The following APBB1IP variants were observed in gnomAD, a reference collection of about 807,000 sequenced individuals.
APBB1IP encodes the protein amyloid beta A4 precursor protein-binding family B member 1-interacting protein.
In APBB1IP, 27 loss-of-function variants were observed where a neutral mutation model predicts 64.9. That is an observed-to-expected ratio of 0.42 (90% CI 0.31 to 0.57). The LOEUF is 0.57. APBB1IP is among the 20% of genes least tolerant of loss of function. APBB1IP has a pLI of 0.20. For synonymous variants in APBB1IP, 392 were observed against 331.0 expected (o/e 1.18, Z -2.00); for missense variants, 812 against 845.5 (o/e 0.96, Z 0.49).
At chr10:26,510,290 T>C (rs965922641) in intron 6 of APBB1IP, among the ~76,000 whole-genome samples, 10 of 152,180 alleles carry the variant, frequency 6.6e-5, no homozygotes, top group African/African-American at 2.4e-4. Flanking sequence ...TTAATAACTT[T>C]GACAAGTTGC....
chr10:26,493,000 A>G (rs529588242), intron 3 of APBB1IP, among the ~76,000 whole-genome samples: 2 of 152,294 alleles, frequency 1.3e-5, no homozygotes, highest in South Asian at 4.1e-4. Context: ...CATAAGGCAG[A>G]CACCCCCAGA....
chr10:26,499,027 G>T (rs1588588332), intron 4 of APBB1IP, among the ~76,000 whole-genome samples: 1 of 152,266 alleles, frequency 6.6e-6, no homozygotes, highest in East Asian at 1.9e-4. Flanking sequence ...ACTTTGGGAG[G>T]CCAAGGCAGG....
chr10:26,443,457 A>T (rs1418666046), intron 2 of APBB1IP, among the ~76,000 whole-genome samples: 1 of 152,004 alleles, frequency 6.6e-6, no homozygotes, highest in East Asian at 1.9e-4. Context: ...CAAAAAAAAA[A>T]AATTACTTAT....
At chr10:26,528,613 C>G (rs1392685037) in intron 8 of APBB1IP, among the ~76,000 whole-genome samples, 1 of 152,108 alleles carries the variant, frequency 6.6e-6, no homozygotes, top group East Asian at 1.9e-4. Context: ...CTGTATTTAT[C>G]TTCTCCATGT....
intron 2 of APBB1IP, 96 bp downstream of exon 2, chr10:26,438,949 G>C (rs946319237): frequency 1.3e-5 from 2 of 152,196 alleles, no homozygotes; most frequent in African/African-American, 4.8e-5. Context: ...CGGGTCCGAC[G>C]CCGGGGGCAG....
intron 11 of APBB1IP, among the ~76,000 whole-genome samples, chr10:26,551,332 G>C (rs1214737368): frequency 6.6e-6 from 1 of 152,152 alleles, no homozygotes; most frequent in Non-Finnish European, 1.5e-5. Flanking sequence ...TGTGAGTCCG[G>C]GGGGACTTTC....
At chr10:26,564,370 G>A (rs910508711) in intron 14 of APBB1IP, among the ~76,000 whole-genome samples, 18 of 152,172 alleles carry the variant, frequency 1.2e-4, no homozygotes, top group Non-Finnish European at 2.6e-4. Flanking sequence ...TCTACCAATA[G>A]CACATGCTGG....
At chr10:26,514,024 G>A (rs1554777033) in intron 8 of APBB1IP, among the ~76,000 whole-genome samples, 1 of 152,146 alleles carries the variant, frequency 6.6e-6, no homozygotes, top group Non-Finnish European at 1.5e-5. Context: ...GTGAGCCACT[G>A]CGCCCAGCCA....
chr10:26,487,594 G>A (rs965428513), intron 2 of APBB1IP, among the ~76,000 whole-genome samples: 3 of 152,098 alleles, frequency 2.0e-5, no homozygotes, highest in African/African-American at 7.2e-5. Context: ...CAGGGGAAAG[G>A]GCAGGGGGAA....
intron 2 of APBB1IP, among the ~76,000 whole-genome samples, chr10:26,451,454 G>A (rs1033322200): frequency 6.6e-6 from 1 of 152,172 alleles, no homozygotes; most frequent in Non-Finnish European, 1.5e-5. Context: ...GTCCTCAGGA[G>A]GAACTCTGTG....
chr10:26,515,405 T>C (rs1238142500), intron 8 of APBB1IP, among the ~76,000 whole-genome samples: 2 of 152,158 alleles, frequency 1.3e-5, no homozygotes, highest in African/African-American at 2.4e-5. Context: ...TTCCAGTCCA[T>C]ATGAAGTGAG....
At chr10:26,516,828 G>A (rs1294383016) in intron 8 of APBB1IP, among the ~76,000 whole-genome samples, 1 of 152,154 alleles carries the variant, frequency 6.6e-6, no homozygotes, top group Non-Finnish European at 1.5e-5. Context: ...TTTTGGCAGC[G>A]TGAACTGGGG....
At chr10:26,549,062 T>G (rs1264336609) in intron 11 of APBB1IP, among the ~76,000 whole-genome samples, 1 of 152,262 alleles carries the variant, frequency 6.6e-6, no homozygotes, top group Non-Finnish European at 1.5e-5. Context: ...CAAATGCTTT[T>G]TCTGCATCTG....
chr10:26,468,992 C>T (rs1033997301), intron 2 of APBB1IP, among the ~76,000 whole-genome samples: 1 of 152,114 alleles, frequency 6.6e-6, no homozygotes, highest in Non-Finnish European at 1.5e-5. Flanking sequence ...GCAACTGCTG[C>T]GGGCTGAGAT....
At position 26,516,543 on chromosome 10, in the gene APBB1IP, CAAAAA is replaced by C. The variant is rs71401901; in HGVS notation, c.813+2897_813+2901del. Reference sequence around the variant, plus strand: ...TGGGTGACAGAGCAAGACTCCATCTCAAAAAAAAAAAAAAAAAAGTAAAGCGGAAA... The same window carrying C: ...TGGGTGACAGAGCAAGACTCCATCTCAAAAAAAAAAAAAGTAAAGCGGAAA... On this transcript the variant is annotated intron_variant, in intron 8 of 14. Coordinates refer to ENST00000376236, the MANE Select transcript of APBB1IP (RefSeq NM_019043.4). Among the ~76,000 whole-genome samples the C allele has an allele frequency of 1.2e-3, 55 of 47,208 alleles. No homozygotes were observed. The South Asian group carries it at 0.048, about 41-fold the overall frequency. 31.0% of individuals were successfully genotyped at this position (47,208 alleles called of 152,430 possible).
intron 14 of APBB1IP, among the ~76,000 whole-genome samples, chr10:26,565,897 C>T (rs1407361079): frequency 6.6e-6 from 1 of 152,170 alleles, no homozygotes; most frequent in East Asian, 1.9e-4. Context: ...TTGGGAACTA[C>T]TCTGTCCTTG....
chr10:26,543,475 AAAAAG>A (rs1333135975), intron 11 of APBB1IP, among the ~76,000 whole-genome samples: 1 of 142,692 alleles, frequency 7.0e-6, no homozygotes, highest in African/African-American at 2.5e-5. Context: ...TCAAAAAAAA[AAAAAG>A]AAAAGAAAAA....
intron 2 of APBB1IP, among the ~76,000 whole-genome samples, chr10:26,481,226 T>C (rs895768504): frequency 5.9e-5 from 9 of 152,142 alleles, no homozygotes; most frequent in Non-Finnish European, 1.2e-4. Flanking sequence ...CTGACCTCTG[T>C]TGTCCTGTGT....
At chr10:26,500,061 A>C (rs1458044976) in intron 4 of APBB1IP, among the ~76,000 whole-genome samples, 4 of 151,934 alleles carry the variant, frequency 2.6e-5, no homozygotes, top group African/African-American at 7.3e-5. Context: ...AAATACAAAA[A>C]TTAGCTGGAC....
Sources: allele counts gnomAD v4.1 joint callset (sites outside exome capture counted in the v4.1 genomes callset), GRCh38; gene constraint gnomAD v4.1.1; transcripts MANE v1.5; gene names NCBI Gene and HGNC (gene_info 2026-07-23, HGNC 2026-07-21).